DISC1: variants seen among roughly 807,000 people sequenced by gnomAD.
The protein encoded by DISC1 is DISC1 scaffold protein.
In DISC1, 57 loss-of-function variants were observed where a neutral mutation model predicts 84.5. That is an observed-to-expected ratio of 0.67 (90% confidence interval 0.55 to 0.84). The LOEUF (loss-of-function observed/expected upper bound fraction) is 0.84, where lower values mean the gene tolerates loss of function less well. DISC1 is among the 40% of genes least tolerant of loss of function. The pLI is 0.00. For synonymous variants in DISC1, 411 were observed against 415.2 expected, an observed-to-expected ratio of 0.99 and a Z score of 0.12; for missense variants, 1,000 against 1,057.8, an observed-to-expected ratio of 0.95 and a Z score of 0.76.
At chr1:231,980,169 G>A (rs1284540372) in intron 10 of DISC1, among the ~76,000 whole-genome samples, 1 of 152,050 alleles carries the variant, frequency 6.6e-6, no homozygotes, top group Non-Finnish European at 1.5e-5. Context: ...TCCTTCTACT[G>A]CTTTTTAATA....
intron 6 of DISC1, among the ~76,000 whole-genome samples, chr1:231,793,954 A>ATTTTT (rs2078547269): frequency 6.6e-6 from 1 of 152,070 alleles, no homozygotes; most frequent in Non-Finnish European, 1.5e-5. Flanking sequence ...ATTTTATTTT[A>ATTTTT]TTTTTTGGAG....
At chr1:232,030,223 G>A (rs1480079038) in intron 12 of DISC1, among the ~76,000 whole-genome samples, 1 of 152,170 alleles carries the variant, frequency 6.6e-6, no homozygotes, top group African/African-American at 2.4e-5. Context: ...GTCATCTGGG[G>A]TCCTAATTAG....
rs898113969 is a variant in DISC1 at position 231,634,467 on chromosome 1, G to A, written c.67+7533G>A. Among the ~76,000 whole-genome samples, 6 of 152,306 alleles carry A rather than the reference G, an allele frequency of 3.9e-5. No individual in the cohort carries two copies. In the South Asian group the frequency reaches 6.2e-4, roughly 16 times the overall value. On this transcript the variant is annotated intron_variant, in intron 1 of 12. Coordinates refer to ENST00000439617, the MANE Select transcript of DISC1 (RefSeq NM_018662.3). ...AAAAAGTTTGCGTATTTCAGTACAA[G>A]TCTTAATGTTTCCCTAGCGTCTTGT...
chr1:231,924,259 C>T lies in DISC1; in HGVS notation c.1982-34569C>T, dbSNP rs116280952. ...CGGGTCCCATCTGTTCTTGGGAGGACAGTCCCCATGTATTGCTCCTGGGCC... is the reference window on the plus strand; with the variant it reads ...CGGGTCCCATCTGTTCTTGGGAGGATAGTCCCCATGTATTGCTCCTGGGCC... On this transcript the variant is annotated intron_variant, in intron 9 of 12. Coordinates refer to ENST00000439617, the MANE Select transcript of DISC1 (RefSeq NM_018662.3). Among the ~76,000 whole-genome samples the T allele has an allele frequency of 9.3e-3, 1,409 of 152,312 alleles. 16 individuals are homozygous for T. Among genetic ancestry groups the T allele is most frequent in the Non-Finnish European group, 0.015 (1,054 of 68,034 alleles).
intron 3 of DISC1, among the ~76,000 whole-genome samples, chr1:231,711,054 C>T (rs2067759026): frequency 6.6e-6 from 1 of 151,762 alleles, no homozygotes; most frequent in Non-Finnish European, 1.5e-5. Flanking sequence ...CTTTTTGACA[C>T]AAGTAAGTTG....
chr1:231,824,689 G>A (rs550271214), intron 9 of DISC1, among the ~76,000 whole-genome samples: 3 of 152,168 alleles, frequency 2.0e-5, no homozygotes, highest in Non-Finnish European at 4.4e-5. Context: ...CCTGGATTAG[G>A]ATGTAGGGGG....
At chr1:231,721,004 T>G in intron 3 of DISC1, 1 of 1,290,946 alleles carries the variant, frequency 7.7e-7, no homozygotes, top group Non-Finnish European at 1.0e-6. Flanking sequence ...TGGATACGGA[T>G]CATGAAAATT....
chr1:231,995,296 A>T (rs1384135282), intron 10 of DISC1, among the ~76,000 whole-genome samples: 1 of 152,034 alleles, frequency 6.6e-6, no homozygotes, highest in African/African-American at 2.4e-5. Context: ...ACACCATCAT[A>T]TAAAAAGACC....
rs142174633 is a variant in DISC1, at chr1:231,698,899, ATTCT to A, written c.1048-3052_1048-3049del. Among the ~76,000 whole-genome samples the A allele has an allele frequency of 2.6e-3, 390 of 152,306 alleles. No individual in the cohort carries two copies. The highest frequency in any genetic ancestry group is 8.5e-3 in the African/African-American group (355 of 41,560). On this transcript the variant is annotated intron_variant, in intron 2 of 12. Coordinates refer to ENST00000439617, the MANE Select transcript of DISC1 (RefSeq NM_018662.3). The surrounding 1 kb of genome is among the most constrained non-coding windows in gnomAD (Gnocchi z 4.9). ...AAGGGGTTAATATGATTATTCATTC[ATTCT>A]TTCATTCATTCAGAAAGCATTTATC...
At chr1:231,745,139 T>TGG (rs2073825441) in intron 3 of DISC1, among the ~76,000 whole-genome samples, 1 of 152,210 alleles carries the variant, frequency 6.6e-6, no homozygotes, top group African/African-American at 2.4e-5. Flanking sequence ...TGCATATTTA[T>TGG]GGGGTACATA....
Position 231,969,186 on chromosome 1 carries a change from G to GTTTTTT in DISC1, c.2042+10318_2042+10323dup, listed in dbSNP as rs71573149. Among the ~76,000 whole-genome samples the GTTTTTT allele has an allele frequency of 1.7e-3, 156 of 91,672 alleles. 4 individuals are homozygous for GTTTTTT. Among genetic ancestry groups the GTTTTTT allele is most frequent in the Non-Finnish European group, 2.1e-3 (103 of 48,768 alleles). The allele number at this position is 91,672 out of a possible 152,430, so 60.1% of individuals were successfully genotyped here. ...CTCCTGATTATCCAAACACTCAGCG[G>GTTTTTT]TTTTTTTTTTTTTTTTTTTTTTTTT... On this transcript the variant is annotated intron_variant, in intron 10 of 12. Transcript: ENST00000439617.
At chr1:231,673,322 C>CT (rs991879176) in intron 1 of DISC1, among the ~76,000 whole-genome samples, 7 of 151,992 alleles carry the variant, frequency 4.6e-5, no homozygotes, top group Non-Finnish European at 1.0e-4. Flanking sequence ...CTTTTCTTTT[C>CT]TTTTTTTAAG....
intron 10 of DISC1, among the ~76,000 whole-genome samples, chr1:232,005,454 C>T (rs1473887946): frequency 6.6e-6 from 1 of 152,136 alleles, no homozygotes; most frequent in Non-Finnish European, 1.5e-5. Context: ...TCTTTTCTCT[C>T]ACTGCTTTTA....
intron 9 of DISC1, among the ~76,000 whole-genome samples, chr1:231,939,011 C>T (rs747357519): frequency 2.6e-4 from 40 of 152,140 alleles, no homozygotes; most frequent in African/African-American, 7.2e-4. Context: ...TCAAATGGGT[C>T]GCCTCCGACC....
intron 3 of DISC1, among the ~76,000 whole-genome samples, chr1:231,729,709 G>GTTTT (rs368321722): frequency 7.2e-6 from 1 of 139,040 alleles, no homozygotes; most frequent in Non-Finnish European, 1.6e-5. Flanking sequence ...ATCCTCTAGG[G>GTTTT]TTTTTTTTTT....
chr1:231,878,580 A>G (rs756383151), intron 9 of DISC1, among the ~76,000 whole-genome samples: 2 of 152,216 alleles, frequency 1.3e-5, no homozygotes, highest in Non-Finnish European at 2.9e-5. Flanking sequence ...AAGGACTTTC[A>G]TCTTTATATA....
intron 1 of DISC1, among the ~76,000 whole-genome samples, chr1:231,633,910 G>A (rs1328503288): frequency 2.1e-5 from 3 of 140,148 alleles, no homozygotes; most frequent in East Asian, 2.2e-4. Context: ...TTGAAACGGA[G>A]TCTTGCTCTG....
intron 9 of DISC1, among the ~76,000 whole-genome samples, chr1:231,870,867 A>T (rs541894789): frequency 6.6e-6 from 1 of 152,358 alleles, no homozygotes; most frequent in South Asian, 2.1e-4. Context: ...TTTAGATTAT[A>T]TTTTAAAGAA....
At chr1:232,024,366 T>G (rs1669250797) in intron 11 of DISC1, among the ~76,000 whole-genome samples, 2 of 152,202 alleles carry the variant, frequency 1.3e-5, no homozygotes, top group African/African-American at 2.4e-5. Flanking sequence ...AGTTGGCCAT[T>G]GGCATGTAAA....
Sources: gnomAD v4.1 joint callset for allele counts (sites outside exome capture counted in the v4.1 genomes callset) on GRCh38, gnomAD v4.1.1 for gene constraint, Gnocchi (gnomAD v3.1) non-coding constraint, MANE v1.5 for transcripts, NCBI Gene and HGNC (gene_info 2026-07-23, HGNC 2026-07-21) for gene names.